ATRX: variants seen among roughly 807,000 people sequenced by gnomAD.
ATRX encodes the protein ATRX chromatin remodeler.
Under a neutral mutation model 172.6 loss-of-function variants are expected in ATRX, and 12 were observed. That is an observed-to-expected ratio of 0.07 (90% CI 0.04 to 0.11). ATRX has a LOEUF of 0.11. Among genes scored for constraint, ATRX ranks in the 10% least tolerant of loss-of-function variants. The pLI is 1.00. For synonymous variants in ATRX, 674 were observed against 594.7 expected, an observed-to-expected ratio of 1.13 and a Z score of -1.94; for missense variants, 1,368 against 1,767.4, an observed-to-expected ratio of 0.77 and a Z score of 4.05.
In ATRX at chrX:77,506,897, CTTTTTTTTTTTT is replaced by C. The variant is rs139948612; in HGVS notation, c.*1442_*1453del. 1.3e-4 allele frequency: 8 copies of C among 60,056 alleles called. No individual in the cohort carries two copies. The highest frequency in any genetic ancestry group is 1.3e-3 in the South Asian group (1 of 778). 4.9% of individuals were successfully genotyped at this position (60,056 alleles called of 1,213,427 possible). On this transcript the variant is annotated 3_prime_UTR_variant, in exon 35 of 35. Transcript: ENST00000373344. ...TAAAGCAAAGCCCAAACCCAGTTTT[CTTTTTTTTTTTT>C]TTTTTTTTTTTTTTGGAATTCTTAA...
At chrX:77,520,690 T>C (rs2063201137) in intron 34 of ATRX, 98 bp downstream of exon 34, 8 of 904,423 alleles carry the variant, frequency 8.8e-6, no homozygotes, top group South Asian at 4.8e-5. Flanking sequence ...CATCCCTCCA[T>C]AGTAGGAATA....
intron 2 of ATRX, among the ~76,000 whole-genome samples, chrX:77,706,979 T>C (rs1341036208): frequency 1.8e-5 from 2 of 112,206 alleles, no homozygotes; most frequent in African/African-American, 3.2e-5. Context: ...AAGTGTCCAT[T>C]GAAATATGAA....
chrX:77,597,312 G>C (rs782116645), intron 25 of ATRX, among the ~76,000 whole-genome samples: 15 of 110,231 alleles, frequency 1.4e-4, no homozygotes, highest in Non-Finnish European at 2.1e-4. Context: ...GTACTGAAGA[G>C]AGAAATGTTT....
intron 14 of ATRX, among the ~76,000 whole-genome samples, chrX:77,653,654 CA>C (rs2069395312): frequency 9.0e-6 from 1 of 111,608 alleles, no homozygotes; most frequent in African/African-American, 3.2e-5. Flanking sequence ...AGTTAATTTT[CA>C]AAAGACAAAT....
intron 27 of ATRX, among the ~76,000 whole-genome samples, chrX:77,580,830 A>C (rs2065800738): frequency 8.9e-6 from 1 of 112,334 alleles, no homozygotes; most frequent in South Asian, 3.6e-4. Flanking sequence ...TAAATGTTGA[A>C]GCAACAAAAA....
At chrX:77,657,247 C>A (rs782794124) in intron 12 of ATRX, among the ~76,000 whole-genome samples, 2 of 111,589 alleles carry the variant, frequency 1.8e-5, no homozygotes, top group South Asian at 3.8e-4. Context: ...GTACTGACAA[C>A]AAGACTGTGA....
chrX:77,582,636 AT>A (rs1353929928), intron 27 of ATRX, among the ~76,000 whole-genome samples: 2 of 111,896 alleles, frequency 1.8e-5, no homozygotes, highest in East Asian at 5.6e-4. Flanking sequence ...ACCCAAAAAA[AT>A]AAAATCAGAG....
At position 77,549,611 on chromosome X, in the gene ATRX, T is replaced by C. The variant is rs190103232; in HGVS notation, c.6699+7840A>G. Reference sequence around the variant, plus strand: ...TAACAAATCGGTATTGCTAGAAACTTGTGTTAAACTACTTATAAGTCTAGA... The same window carrying C: ...TAACAAATCGGTATTGCTAGAAACTCGTGTTAAACTACTTATAAGTCTAGA... On this transcript the variant is annotated intron_variant, in intron 30 of 34. Coordinates refer to ENST00000373344, the MANE Select transcript of ATRX (RefSeq NM_000489.6). 1.7e-3 allele frequency among the ~76,000 whole-genome samples: 191 copies of C among 112,516 alleles called. 1 individual carries two copies. The highest frequency in any genetic ancestry group is 5.6e-3 in the African/African-American group (174 of 31,046).
chrX:77,718,832 A>C (rs936127012), intron 1 of ATRX, among the ~76,000 whole-genome samples: 15 of 111,337 alleles, frequency 1.3e-4, no homozygotes, highest in African/African-American at 4.9e-4. Context: ...CAGTGGCGTG[A>C]CCTTGACTCA....
At chrX:77,721,870 A>G (rs1231489254) in intron 1 of ATRX, among the ~76,000 whole-genome samples, 1 of 111,849 alleles carries the variant, frequency 8.9e-6, no homozygotes, top group Non-Finnish European at 1.9e-5. Context: ...GGGCCACGAC[A>G]ATCCTAAGCA....
At chrX:77,550,773 G>C (rs978356492) in intron 30 of ATRX, among the ~76,000 whole-genome samples, 9 of 111,748 alleles carry the variant, frequency 8.1e-5, no homozygotes, top group African/African-American at 2.9e-4. Context: ...CAAAGTCCAG[G>C]ATACAAAATC....
At chrX:77,754,172 T>C (rs1463078325) in intron 1 of ATRX, among the ~76,000 whole-genome samples, 1 of 111,423 alleles carries the variant, frequency 9.0e-6, no homozygotes, top group Non-Finnish European at 1.9e-5. Context: ...CTTTTTTTTT[T>C]GTTTTTTCCA....
At chrX:77,736,196 C>T (rs782768689) in intron 1 of ATRX, among the ~76,000 whole-genome samples, 1 of 111,182 alleles carries the variant, frequency 9.0e-6, no homozygotes, top group East Asian at 2.8e-4. Context: ...CACAGGTAAC[C>T]AAACAAAACT....
At chrX:77,696,793 C>T (rs1215028736) in intron 4 of ATRX, 89 bp from the exon 5 acceptor site, 10 of 938,239 alleles carry the variant, frequency 1.1e-5, no homozygotes, top group Non-Finnish European at 1.5e-5. Flanking sequence ...TGAGATTGAG[C>T]AGTGGGTCTC....
intron 10 of ATRX, among the ~76,000 whole-genome samples, chrX:77,667,666 C>T (rs1481766480): frequency 8.9e-6 from 1 of 111,821 alleles, no homozygotes; most frequent in Admixed American, 9.6e-5. Flanking sequence ...CATAAACCTA[C>T]TTAATGCATT....
At chrX:77,580,692 T>C (rs1444450077) in intron 27 of ATRX, among the ~76,000 whole-genome samples, 1 of 111,709 alleles carries the variant, frequency 9.0e-6, no homozygotes, top group Non-Finnish European at 1.9e-5. Context: ...GAAAAGGACA[T>C]GAATGAGCAG....
chrX:77,564,298 A>G (rs2065121191), intron 28 of ATRX, among the ~76,000 whole-genome samples: 1 of 111,811 alleles, frequency 8.9e-6, no homozygotes, highest in Admixed American at 9.5e-5. Flanking sequence ...GCAGCTCTGA[A>G]AAGTCAGAAG....
chrX:77,740,882 G>A (rs944415710), intron 1 of ATRX, among the ~76,000 whole-genome samples: 15 of 110,983 alleles, frequency 1.4e-4, no homozygotes, highest in Non-Finnish European at 2.6e-4. Flanking sequence ...TTGGGAGGCC[G>A]AGGAAGGTAG....
intron 7 of ATRX, among the ~76,000 whole-genome samples, chrX:77,687,615 T>C (rs1557144692): frequency 9.0e-6 from 1 of 111,519 alleles, no homozygotes; most frequent in Non-Finnish European, 1.9e-5. Flanking sequence ...GAAAGGCAAA[T>C]ACATGTCACA....
Sources: gnomAD v4.1 joint callset for allele counts (sites outside exome capture counted in the v4.1 genomes callset) on GRCh38, gnomAD v4.1.1 for gene constraint, MANE v1.5 for transcripts, NCBI Gene and HGNC (gene_info 2026-07-23, HGNC 2026-07-21) for gene names.